The following FBXL19 variants were observed in gnomAD, a reference collection of about 807,000 sequenced individuals.
FBXL19 encodes F-box and leucine rich repeat protein 19.
FBXL19 carries 16 observed loss-of-function variants against 71.2 expected under a neutral mutation model. That is an observed-to-expected ratio of 0.22 (90% confidence interval 0.15 to 0.34). FBXL19 has a LOEUF of 0.34. FBXL19 is among the 10% of genes least tolerant of loss of function. FBXL19 has a pLI of 1.00. For missense variants in FBXL19, 658 were observed against 968.2 expected (o/e 0.68, Z 4.25); for synonymous variants, 447 against 409.4 (o/e 1.09, Z -1.11).
At chr16:30,940,279 G>T (rs2055787941) in intron 7 of FBXL19, among the ~76,000 whole-genome samples, 1 of 151,692 alleles carries the variant, frequency 6.6e-6, no homozygotes, top group African/African-American at 2.4e-5. Context: ...AAAAAGTCAG[G>T]TGTGGTGGCA....
At position 30,927,661 on chromosome 16, in the gene FBXL19, T is replaced by TAG; in HGVS notation, c.408+3_408+4dup. 6.4e-7 allele frequency: 1 copy of TAG among 1,564,962 alleles called. No individual in the cohort carries two copies. Among genetic ancestry groups the TAG allele is most frequent in the Non-Finnish European group, 8.7e-7 (1 of 1,155,028 alleles). ...ACCCAGGAAGGCCGCACCAGCAAGG[T>TAG]AGGGGCTGGGCTGGGCTGAGCTGTG... On this transcript the variant is annotated splice_region_variant and intron_variant, in intron 4 of 10. Transcript: ENST00000338343.
Position 30,925,136 on chromosome 16 carries a change from A to G in FBXL19, c.-24-595A>G, listed in dbSNP as rs1383526469. 1.3e-5 allele frequency among the ~76,000 whole-genome samples: 2 copies of G among 151,528 alleles called. No individual in the cohort carries two copies. Among genetic ancestry groups the G allele is most frequent in the Non-Finnish European group, 2.9e-5 (2 of 67,870 alleles). ...GAGTTAGTGGGCAGAGGAGATCGTT[A>G]GGGACTTGGGGGCAAGGATCTCGCT... On this transcript the variant is annotated intron_variant, in intron 1 of 10. Coordinates refer to ENST00000338343, the MANE Select transcript of FBXL19 (RefSeq NM_001382779.1). The surrounding 1 kb of genome is among the most constrained non-coding windows in gnomAD (Gnocchi z 5.0).
In FBXL19 at chr16:30,928,636, G is replaced by A. The variant is rs368260277; in HGVS notation, c.789+8G>A. 80 of 1,550,152 alleles carry A rather than the reference G, an allele frequency of 5.2e-5. No individual in the cohort carries two copies. Among genetic ancestry groups the A allele is most frequent in the Non-Finnish European group, 6.3e-5 (72 of 1,148,736 alleles). ...CCTCCCGAGAACTGGGAGGTGTGCC[G>A]GGGACCTCCTCCCTCCCCTTCCCAC... is the stretch of plus-strand genomic sequence containing the variant. On this transcript the variant is annotated splice_region_variant and intron_variant, in intron 6 of 10. Transcript: ENST00000338343.
intron 7 of FBXL19, among the ~76,000 whole-genome samples, chr16:30,936,502 T>C (rs1471577177): frequency 2.0e-5 from 3 of 150,954 alleles, no homozygotes; most frequent in African/African-American, 7.3e-5. Flanking sequence ...CTCGGCTCAC[T>C]GCAAGCTCCG....
chr16:30,924,848 G>A, intron 1 of FBXL19: 2 of 1,139,448 alleles, frequency 1.8e-6, no homozygotes, highest in Non-Finnish European at 2.3e-6. Flanking sequence ...ATGGGAGGGG[G>A]AGCCCAAGGG....
intron 7 of FBXL19, among the ~76,000 whole-genome samples, chr16:30,939,590 T>G (rs2055779296): frequency 6.9e-6 from 1 of 145,610 alleles, no homozygotes; most frequent in Non-Finnish European, 1.5e-5. Flanking sequence ...ATTTTTTGTA[T>G]TTTTTTTTTA....
rs945155730 is a variant in FBXL19 at position 30,937,823 on chromosome 16, G to A, written c.1302-4293G>A. 1.1e-4 allele frequency among the ~76,000 whole-genome samples: 17 copies of A among 152,100 alleles called. 1 individual carries two copies. The highest frequency in any genetic ancestry group is 1.1e-3 in the Admixed American group (17 of 15,280). On this transcript the variant is annotated intron_variant, in intron 7 of 10. Transcript: ENST00000338343. ...ACTGGGGTCCTGTGGGTGCCCCCAGGGAAAGGGGCTTCCTTCCAGCTGTGG... is the reference window on the plus strand; with the variant it reads ...ACTGGGGTCCTGTGGGTGCCCCCAGAGAAAGGGGCTTCCTTCCAGCTGTGG...
chr16:30,942,379 G>T lies in FBXL19; in HGVS notation c.1470G>T (p.Leu490=). The T allele has an allele frequency of 6.2e-7, 1 of 1,609,648 alleles. No individual in the cohort carries two copies. Residue 490 remains leucine (L), a synonymous_variant, in exon 9 of 11, where the codon CTG becomes CTT. Coordinates refer to ENST00000338343, the MANE Select transcript of FBXL19 (RefSeq NM_001382779.1). This position sits in a 1 kb window ranked among gnomAD's most constrained non-coding sequence, Gnocchi z 5.7. ...LMWLLNRLQG[L]QELVLSGCSW... The stretch of plus-strand genomic sequence containing the variant: ...CTGACTGCCCCCTCTCCGCAGGCCT[G>T]CAGGAGCTGGTGCTCTCTGGCTGCT...
At chr16:30,923,538 G>C (rs1248668171), upstream of FBXL19, among the ~76,000 whole-genome samples, 3 of 144,104 alleles carry the variant, frequency 2.1e-5, no homozygotes, top group Non-Finnish European at 3.1e-5. Flanking sequence ...AGGAGGAGGA[G>C]GAGGGAAGGA....
At chr16:30,924,518 C>G in intron 1 of FBXL19, 59 bp downstream of exon 1, 1 of 973,578 alleles carries the variant, frequency 1.0e-6, no homozygotes, top group South Asian at 2.7e-5. Flanking sequence ...TCCCATTCAT[C>G]CTCAGCCCGG....
At chr16:30,938,269 C>T (rs1342788517) in intron 7 of FBXL19, among the ~76,000 whole-genome samples, 1 of 152,022 alleles carries the variant, frequency 6.6e-6, no homozygotes, top group East Asian at 1.9e-4. Context: ...AATCCCAGCA[C>T]TTTGGGAGGC....
intron 7 of FBXL19, among the ~76,000 whole-genome samples, chr16:30,933,644 G>C (rs1422935023): frequency 6.8e-6 from 1 of 147,768 alleles, no homozygotes; most frequent in Non-Finnish European, 1.5e-5. Context: ...CAGGAACCAG[G>C]GGCTCGCTGT....
At position 30,947,818 on chromosome 16, in the gene FBXL19, G is replaced by C. The variant is rs1164617548; in HGVS notation, c.*588G>C. ...TGTGGGGACAGCAATACCCCCTTGGGGGTCACCTCTCTGCTTCCCCCCTCC... is the reference window on the plus strand; with the variant it reads ...TGTGGGGACAGCAATACCCCCTTGGCGGTCACCTCTCTGCTTCCCCCCTCC... On this transcript the variant is annotated 3_prime_UTR_variant, in exon 11 of 11. Coordinates refer to ENST00000338343, the MANE Select transcript of FBXL19 (RefSeq NM_001382779.1). 3 of 445,704 alleles carry C rather than the reference G, an allele frequency of 6.7e-6. No homozygotes were observed. The highest frequency in any genetic ancestry group is 9.0e-6 in the Non-Finnish European group (2 of 222,018). The allele number at this position is 445,704 out of a possible 1,614,324, so 27.6% of individuals were successfully genotyped here. A position where few individuals can be genotyped will look rare whatever the true frequency, so the allele number is the denominator to read the frequency against.
At position 30,946,927 on chromosome 16, in the gene FBXL19, C is replaced by A; in HGVS notation, c.1825C>A (p.Leu609Met). 1 of 1,609,750 alleles carries A rather than the reference C, an allele frequency of 6.2e-7. No homozygotes were observed. Residue 609 changes from leucine to methionine, a missense_variant, in exon 10 of 11, where the codon CTG becomes ATG. Leu to Met is a conservative substitution (Grantham distance 15). Transcript: ENST00000338343. This position sits in a 1 kb window ranked among gnomAD's most constrained non-coding sequence, Gnocchi z 6.7. Reference protein sequence around the residue: ...TAPTSPLRETLVHLNLAGCHR... With the variant: ...TAPTSPLRETMVHLNLAGCHR... ...CCCCACGTCCCCACTCCGCGAGACC[C>A]TGGTGCACCTCAATCTTGCTGGTAA... is the stretch of plus-strand genomic sequence containing the variant.
intron 7 of FBXL19, among the ~76,000 whole-genome samples, chr16:30,933,814 A>T (rs2055701308): frequency 6.9e-6 from 1 of 145,712 alleles, no homozygotes. Context: ...GTGCAATGGC[A>T]TGATCTCGGC....
intron 10 of FBXL19, 21 bp from the exon 11 acceptor site, chr16:30,947,031 G>A (rs1254206065): frequency 6.3e-7 from 1 of 1,582,726 alleles, no homozygotes. Context: ...CCTGGTCTCA[G>A]CTCCACTGCC....
At chr16:30,931,265 C>T (rs1032432373) in intron 7 of FBXL19, among the ~76,000 whole-genome samples, 4 of 152,150 alleles carry the variant, frequency 2.6e-5, no homozygotes, top group Non-Finnish European at 4.4e-5. Context: ...ACTCCCACAG[C>T]ACTCTGTTCC....
chr16:30,947,281 C>T lies in FBXL19; in HGVS notation c.*51C>T, dbSNP rs946326033. On this transcript the variant is annotated 3_prime_UTR_variant, in exon 11 of 11. Coordinates refer to ENST00000338343, the MANE Select transcript of FBXL19 (RefSeq NM_001382779.1). Reference sequence around the variant, plus strand: ...ACTCGACAGGAGCCTGGACCTCCGGCTTCATTTCACCCCTGCTGGGAGGCC... The same window carrying T: ...ACTCGACAGGAGCCTGGACCTCCGGTTTCATTTCACCCCTGCTGGGAGGCC... 3.5e-6 allele frequency: 5 copies of T among 1,429,232 alleles called. No homozygotes were observed. Among genetic ancestry groups the T allele is most frequent in the Non-Finnish European group, 1.9e-6 (2 of 1,073,122 alleles). 88.5% of individuals were successfully genotyped at this position (1,429,232 alleles called of 1,614,324 possible).
At chr16:30,929,224 T>C (rs1213569791) in intron 6 of FBXL19, among the ~76,000 whole-genome samples, 1 of 152,180 alleles carries the variant, frequency 6.6e-6, no homozygotes, top group Non-Finnish European at 1.5e-5. Flanking sequence ...GTTTGTCAGT[T>C]TGTAACCTTG....
Sources: allele counts gnomAD v4.1 joint callset (sites outside exome capture counted in the v4.1 genomes callset), GRCh38; gene constraint gnomAD v4.1.1; non-coding constraint Gnocchi (gnomAD v3.1); transcripts MANE v1.5; gene names NCBI Gene and HGNC (gene_info 2026-07-23, HGNC 2026-07-21).